LRRTM4: variants seen among roughly 807,000 people sequenced by gnomAD.
LRRTM4 encodes leucine-rich repeat transmembrane neuronal protein 4.
In LRRTM4, 25 loss-of-function variants were observed where a neutral mutation model predicts 47.6. The observed-to-expected ratio is 0.53, with a 90% CI of 0.38 to 0.73. The LOEUF (loss-of-function observed/expected upper bound fraction) is 0.73, where lower values mean the gene tolerates loss of function less well. LRRTM4 is among the 30% of genes least tolerant of loss of function. The pLI is 0.00. For synonymous variants in LRRTM4, 311 were observed against 269.5 expected, an observed-to-expected ratio of 1.15 and a Z score of -1.51; for missense variants, 638 against 713.4, an observed-to-expected ratio of 0.89 and a Z score of 1.20.
At chr2:76,816,631 T>A (rs1367442768) in intron 3 of LRRTM4, among the ~76,000 whole-genome samples, 1 of 151,788 alleles carries the variant, frequency 6.6e-6, no homozygotes, top group Non-Finnish European at 1.5e-5. Context: ...TCAGCCACTA[T>A]TACATATTTT....
intron 3 of LRRTM4, among the ~76,000 whole-genome samples, chr2:77,178,167 T>C (rs1294298180): frequency 6.6e-6 from 1 of 152,226 alleles, no homozygotes; most frequent in East Asian, 1.9e-4. Context: ...AATCTGAATA[T>C]AAAATGTAGA....
At chr2:77,487,563 G>A (rs1677967610) in intron 3 of LRRTM4, among the ~76,000 whole-genome samples, 1 of 152,168 alleles carries the variant, frequency 6.6e-6, no homozygotes, top group Non-Finnish European at 1.5e-5. Flanking sequence ...GGCATGAAGA[G>A]CCTGGGTGCC....
At chr2:77,007,184 A>G (rs1279763238) in intron 3 of LRRTM4, among the ~76,000 whole-genome samples, 1 of 151,126 alleles carries the variant, frequency 6.6e-6, no homozygotes, top group African/African-American at 2.4e-5. Context: ...ACACACACGC[A>G]TATATATATA....
chr2:77,091,408 C>T (rs190842453), intron 3 of LRRTM4, among the ~76,000 whole-genome samples: 5 of 148,190 alleles, frequency 3.4e-5, no homozygotes, highest in Admixed American at 6.7e-5. Flanking sequence ...TGTTATCACT[C>T]GCCTGCTACA....
intron 3 of LRRTM4, among the ~76,000 whole-genome samples, chr2:77,511,745 CCA>C (rs1679014679): frequency 6.6e-6 from 1 of 151,816 alleles, no homozygotes; most frequent in African/African-American, 2.4e-5. Flanking sequence ...TACATTTTCA[CCA>C]TTTTTAAATA....
At chr2:77,268,160 T>C (rs1676097669) in intron 3 of LRRTM4, among the ~76,000 whole-genome samples, 1 of 152,138 alleles carries the variant, frequency 6.6e-6, no homozygotes, top group Admixed American at 6.6e-5. Flanking sequence ...GCATATATTT[T>C]CCAATTGAGC....
intron 3 of LRRTM4, among the ~76,000 whole-genome samples, chr2:77,006,540 C>A (rs183763735): frequency 6.6e-6 from 1 of 152,182 alleles, no homozygotes; most frequent in Non-Finnish European, 1.5e-5. Flanking sequence ...GTATTCAATG[C>A]AGCATTCTGA....
At chr2:76,790,409 G>A (rs1674911077) in intron 3 of LRRTM4, among the ~76,000 whole-genome samples, 1 of 151,940 alleles carries the variant, frequency 6.6e-6, no homozygotes, top group South Asian at 2.1e-4. Flanking sequence ...AATTCTCTCT[G>A]GACTCCTACT....
At chr2:76,888,084 CATAT>C (rs1558715417) in intron 3 of LRRTM4, among the ~76,000 whole-genome samples, 3 of 149,486 alleles carry the variant, frequency 2.0e-5, no homozygotes, top group African/African-American at 4.9e-5. Flanking sequence ...CATATATATA[CATAT>C]ATAGTGTGTG....
intron 3 of LRRTM4, among the ~76,000 whole-genome samples, chr2:77,276,750 A>C (rs1354852273): frequency 7.3e-6 from 1 of 137,494 alleles, no homozygotes; most frequent in East Asian, 2.2e-4. Flanking sequence ...TTTTATGGAG[A>C]CATGTTTATT....
chr2:77,216,392 C>T (rs182601208), intron 3 of LRRTM4, among the ~76,000 whole-genome samples: 36 of 152,202 alleles, frequency 2.4e-4, no homozygotes, highest in Admixed American at 1.8e-3. Flanking sequence ...TTGGGCCGGG[C>T]GCGGTAGCTC....
intron 3 of LRRTM4, among the ~76,000 whole-genome samples, chr2:76,811,331 A>T (rs6547100): frequency 0.45 from 69,098 of 151,998 alleles, 16,877 homozygotes; most frequent in East Asian, 0.76. Context: ...TTATCCAATT[A>T]TGTAGTTGCT....
chr2:77,462,378 G>T (rs1184457365), intron 3 of LRRTM4, among the ~76,000 whole-genome samples: 1 of 152,058 alleles, frequency 6.6e-6, no homozygotes, highest in African/African-American at 2.4e-5. Context: ...CCATCACATA[G>T]GAATTACTGT....
intron 3 of LRRTM4, among the ~76,000 whole-genome samples, chr2:77,077,480 G>T (rs777750062): frequency 6.6e-6 from 1 of 152,076 alleles, no homozygotes; most frequent in African/African-American, 2.4e-5. Flanking sequence ...GGAAATTTTG[G>T]TATGAATATA....
intron 3 of LRRTM4, among the ~76,000 whole-genome samples, chr2:76,967,749 GATTTC>G (rs1676076558): frequency 6.6e-6 from 1 of 151,298 alleles, no homozygotes; most frequent in Non-Finnish European, 1.5e-5. Flanking sequence ...TTGCAGCTCA[GATTTC>G]ATTTATTTTT....
chr2:76,975,087 C>G (rs1413378025), intron 3 of LRRTM4, among the ~76,000 whole-genome samples: 3 of 151,584 alleles, frequency 2.0e-5, no homozygotes, highest in Non-Finnish European at 3.0e-5. Context: ...CAAAAACAAA[C>G]AAACCAACAA....
intron 3 of LRRTM4, among the ~76,000 whole-genome samples, chr2:77,043,131 T>G (rs999392770): frequency 1.3e-5 from 2 of 151,840 alleles, no homozygotes. Context: ...CTTTCTTTCC[T>G]GTTTTGTCTT....
intron 3 of LRRTM4, among the ~76,000 whole-genome samples, chr2:77,218,642 A>G (rs2103941346): frequency 6.6e-6 from 1 of 152,242 alleles, no homozygotes; most frequent in South Asian, 2.1e-4. Context: ...TTTCTCTCAA[A>G]TATTTGAAAA....
chr2:77,019,071 A>G (rs565100388), intron 3 of LRRTM4, among the ~76,000 whole-genome samples: 1 of 152,084 alleles, frequency 6.6e-6, no homozygotes, highest in African/African-American at 2.4e-5. Context: ...GAAGGCCCCA[A>G]TCTGCTGTAC....
Sources: gnomAD v4.1 joint callset for allele counts (sites outside exome capture counted in the v4.1 genomes callset) on GRCh38, gnomAD v4.1.1 for gene constraint, MANE v1.5 for transcripts, NCBI Gene and HGNC (gene_info 2026-07-23, HGNC 2026-07-21) for gene names.